The following COX11 variants were observed in gnomAD, a reference collection of about 807,000 sequenced individuals.
COX11 encodes the protein cytochrome c oxidase assembly protein COX11, mitochondrial.
In COX11, 18 loss-of-function variants were observed where a neutral mutation model predicts 29.4. That is an observed-to-expected ratio of 0.61 (90% CI 0.42 to 0.91). COX11 has a LOEUF of 0.91. Ranked by LOEUF, COX11 falls within the 40% of genes least tolerant of loss-of-function variation. COX11 has a pLI of 0.00. For missense variants in COX11, 312 were observed against 346.0 expected (o/e 0.90, Z 0.78); for synonymous variants, 131 against 124.0 (o/e 1.06, Z -0.38).
downstream of COX11, chr17:54,957,954 A>C (rs554008186): frequency 6.6e-6 from 1 of 152,372 alleles, no homozygotes; most frequent in Admixed American, 6.5e-5. Context: ...AGAATATGGC[A>C]ACTTGAAAGT....
chr17:54,963,423 T>G lies in COX11; in HGVS notation c.531A>C (p.Pro177=). ...RPQQTEIYVV[P]GETALAFYRA... is the part of the protein sequence containing the mutation. Reference sequence around the variant, plus strand: ...TGTAAAACGCCAGTGCAGTCTCTCCTGGCACCACCTGTTTTAAAGAATATA... The same window carrying G: ...TGTAAAACGCCAGTGCAGTCTCTCCGGGCACCACCTGTTTTAAAGAATATA... Residue 177 remains proline (P), a synonymous_variant, in exon 3 of 4, where the codon CCA becomes CCC. Coordinates refer to ENST00000299335, the MANE Select transcript of COX11 (RefSeq NM_004375.5). The G allele has an allele frequency of 6.2e-7, 1 of 1,608,128 alleles. No homozygotes were observed. Among genetic ancestry groups the G allele is most frequent in the Non-Finnish European group, 8.5e-7 (1 of 1,178,290 alleles).
chr17:54,959,268 T>C (rs2077045690), downstream of COX11: 1 of 152,156 alleles, frequency 6.6e-6, no homozygotes, highest in African/African-American at 2.4e-5. Context: ...TATATGAATG[T>C]TGTGCTTTCA....
At chr17:54,959,034 A>G (rs1017482856), downstream of COX11, among the ~76,000 whole-genome samples, 1 of 152,216 alleles carries the variant, frequency 6.6e-6, no homozygotes, top group Non-Finnish European at 1.5e-5. Flanking sequence ...GGAAGTTTCC[A>G]TATCAAGACA....
At chr17:54,965,737 A>G (rs1326138835) in intron 1 of COX11, among the ~76,000 whole-genome samples, 4 of 152,000 alleles carry the variant, frequency 2.6e-5, no homozygotes, top group Non-Finnish European at 5.9e-5. Context: ...AGGCTGAGGC[A>G]GAAGAATTGC....
At chr17:54,964,399 A>T in intron 2 of COX11, 1 of 311,640 alleles carries the variant, frequency 3.2e-6, no homozygotes, top group African/African-American at 2.2e-5. Context: ...CCTGACGGTT[A>T]CTGCTACTCC....
intron 2 of COX11, among the ~76,000 whole-genome samples, chr17:54,964,163 A>G (rs938244552): frequency 1.3e-5 from 2 of 152,166 alleles, no homozygotes; most frequent in Non-Finnish European, 2.9e-5. Context: ...TCTTTCTTAC[A>G]GTTGGTTAAA....
downstream of COX11, among the ~76,000 whole-genome samples, chr17:54,959,866 C>G (rs555267670): frequency 3.6e-4 from 55 of 152,240 alleles, no homozygotes; most frequent in South Asian, 1.4e-3. Flanking sequence ...ATCCACCCAC[C>G]TCAGCCTCCC....
chr17:54,963,192 T>C, intron 3 of COX11, 114 bp downstream of exon 3: 1 of 1,187,584 alleles, frequency 8.4e-7, no homozygotes, highest in Admixed American at 2.6e-5. Context: ...AATAGCTTGA[T>C]GTTTAGAAGA....
downstream of COX11, among the ~76,000 whole-genome samples, chr17:54,958,979 A>C (rs549447382): frequency 6.6e-6 from 1 of 152,286 alleles, no homozygotes; most frequent in East Asian, 1.9e-4. Flanking sequence ...AATAATGGAC[A>C]ATACAAATGA....
In COX11 at chr17:54,964,500, G is replaced by A. The variant is rs1484659861; in HGVS notation, c.522+197C>T. On this transcript the variant is annotated intron_variant, in intron 2 of 3. Coordinates refer to ENST00000299335, the MANE Select transcript of COX11 (RefSeq NM_004375.5). ...TATTCCCATAGACTACTTTTTAATA[G>A]TGCTTTACACCTAATGTAACAGAAT... 12 of 568,958 alleles carry A rather than the reference G, an allele frequency of 2.1e-5. No homozygotes were observed. In the East Asian group the frequency reaches 3.8e-4, roughly 18 times the overall value. 35.2% of individuals were successfully genotyped at this position (568,958 alleles called of 1,614,324 possible).
At chr17:54,958,634 A>G (rs2077016841), downstream of COX11, among the ~76,000 whole-genome samples, 1 of 150,954 alleles carries the variant, frequency 6.6e-6, no homozygotes, top group Non-Finnish European at 1.5e-5. Context: ...GGGAGGATGA[A>G]TAGGAGAATC....
downstream of COX11, among the ~76,000 whole-genome samples, chr17:54,958,959 G>A (rs1048944569): frequency 6.6e-6 from 1 of 152,094 alleles, no homozygotes; most frequent in Non-Finnish European, 1.5e-5. Flanking sequence ...GGAATAGACA[G>A]GATCACAGAA....
rs1192226373 is a variant in COX11 at position 54,961,472 on chromosome 17, G to C, written c.*1261C>G. On this transcript the variant is annotated 3_prime_UTR_variant, in exon 4 of 4. Coordinates refer to ENST00000299335, the MANE Select transcript of COX11 (RefSeq NM_004375.5). ...GAACAAATACTCACTTAAAACTTCA[G>C]CAGAAGAAAAATTACTTAGTCCTTA... The C allele has an allele frequency of 4.1e-6, 6 of 1,447,918 alleles. No homozygotes were observed. In the African/African-American group the frequency reaches 8.6e-5, roughly 21 times the overall value. The allele number at this position is 1,447,918 out of a possible 1,614,324, so 89.7% of individuals were successfully genotyped here. A position where few individuals can be genotyped will look rare whatever the true frequency, so the allele number is the denominator to read the frequency against.
Position 54,961,606 on chromosome 17 carries a change from T to C in COX11, c.*1127A>G. 1 of 1,169,344 alleles carries C rather than the reference T, an allele frequency of 8.6e-7. No individual in the cohort carries two copies. The highest frequency in any genetic ancestry group is 1.1e-6 in the Non-Finnish European group (1 of 946,332). 72.4% of individuals were successfully genotyped at this position (1,169,344 alleles called of 1,614,324 possible). ...TATTTTACTATGAAATAATTCTGAA[T>C]AGATGAAAGCATAAAATGTGAGAAA... On this transcript the variant is annotated 3_prime_UTR_variant, in exon 4 of 4. Transcript: ENST00000299335.
chr17:54,967,042 G>GCGCA lies in COX11; in HGVS notation c.366+1238_366+1239insTGCG, dbSNP rs1310473186. On this transcript the variant is annotated intron_variant, in intron 1 of 3. Coordinates refer to ENST00000299335, the MANE Select transcript of COX11 (RefSeq NM_004375.5). Reference sequence around the variant, plus strand: ...TAAATAAATAAACGTGCGCGCGCGCGCACACACACACACACACACACACAC... The same window carrying GCGCA: ...TAAATAAATAAACGTGCGCGCGCGCGCGCACACACACACACACACACACACACAC... Among the ~76,000 whole-genome samples the GCGCA allele has an allele frequency of 5.5e-3, 528 of 96,084 alleles. 4 individuals are homozygous for GCGCA. The highest frequency in any genetic ancestry group is 0.014 in the African/African-American group (462 of 33,822). The allele number at this position is 96,084 out of a possible 152,430, so 63.0% of individuals were successfully genotyped here. A position where few individuals can be genotyped will look rare whatever the true frequency, so the allele number is the denominator to read the frequency against.
rs992647059 is a variant in COX11, at chr17:54,960,695, A to G, written c.*2038T>C. 1.3e-5 allele frequency: 16 copies of G among 1,238,364 alleles called. No homozygotes were observed. The highest frequency in any genetic ancestry group is 3.0e-5 in the African/African-American group (2 of 66,610). The allele number at this position is 1,238,364 out of a possible 1,614,324, so 76.7% of individuals were successfully genotyped here. On this transcript the variant is annotated 3_prime_UTR_variant, in exon 4 of 4. Transcript: ENST00000299335. Reference sequence around the variant, plus strand: ...AATTTCAGTATAATTATCACTTTACATATTTAGTATTTAAATTTTCTAAGG... The same window carrying G: ...AATTTCAGTATAATTATCACTTTACGTATTTAGTATTTAAATTTTCTAAGG...
exon 1 of COX11, chr17:54,954,551 C>T (rs2144020859): frequency 1.3e-5 from 2 of 152,322 alleles, no homozygotes; most frequent in East Asian, 3.9e-4. Context: ...ACAGAACGGG[C>T]CCTTGCTTTT....
Position 54,968,272 on chromosome 17 carries a change from G to C in COX11, c.366+9C>G, listed in dbSNP as rs546917830. ...TCTGCGCCACCCTGCGGGCGGCGCC[G>C]GCCCCTACCTGGCAATAGAGCCGAT... is the stretch of plus-strand genomic sequence containing the variant. On this transcript the variant is annotated intron_variant, in intron 1 of 3. Transcript: ENST00000299335. 2 of 1,594,566 alleles carry C rather than the reference G, an allele frequency of 1.3e-6. No individual in the cohort carries two copies. Among genetic ancestry groups the C allele is most frequent in the Non-Finnish European group, 1.7e-6 (2 of 1,177,084 alleles).
chr17:54,961,309 A>G lies in COX11; in HGVS notation c.*1424T>C. On this transcript the variant is annotated 3_prime_UTR_variant, in exon 4 of 4. Transcript: ENST00000299335. ...AAAACGTAGACTCTGTGCAGCTTTGAAGCCTGGAAGACAATACCTACCAAC... is the reference window on the plus strand; with the variant it reads ...AAAACGTAGACTCTGTGCAGCTTTGGAGCCTGGAAGACAATACCTACCAAC... 1 of 1,551,576 alleles carries G rather than the reference A, an allele frequency of 6.4e-7. No individual in the cohort carries two copies. The highest frequency in any genetic ancestry group is 8.7e-7 in the Non-Finnish European group (1 of 1,146,900).
Sources: allele counts gnomAD v4.1 joint callset (sites outside exome capture counted in the v4.1 genomes callset), GRCh38; gene constraint gnomAD v4.1.1; transcripts MANE v1.5; gene names NCBI Gene and HGNC (gene_info 2026-07-23, HGNC 2026-07-21).